Variants in FOXN3 observed in about 807,000 individuals in gnomAD.
FOXN3 encodes forkhead box protein N3.
A neutral mutation model predicts 38.4 loss-of-function variants in FOXN3; 7 were observed. The ratio of observed to expected loss-of-function variants is 0.18; its 90% CI spans 0.10 to 0.34. The LOEUF is 0.34. Ranked by LOEUF, FOXN3 falls within the 10% of genes least tolerant of loss-of-function variation. The pLI is 1.00. For missense variants in FOXN3, 456 were observed against 613.4 expected (o/e 0.74, Z 2.71); for synonymous variants, 230 against 242.2 (o/e 0.95, Z 0.47).
At chr14:89,601,862 C>T (rs1183081158) in intron 1 of FOXN3, among the ~76,000 whole-genome samples, 1 of 152,046 alleles carries the variant, frequency 6.6e-6, no homozygotes, top group East Asian at 1.9e-4. Context: ...TACTAGCACT[C>T]GTAGACCTCA....
intron 4 of FOXN3, among the ~76,000 whole-genome samples, chr14:89,280,152 C>T (rs910383938): frequency 2.0e-5 from 3 of 152,134 alleles, no homozygotes; most frequent in South Asian, 2.1e-4. Flanking sequence ...TCGAAGGCCC[C>T]GGGAACCACT....
intron 1 of FOXN3, among the ~76,000 whole-genome samples, chr14:89,514,005 A>C (rs541075512): frequency 4.6e-5 from 7 of 152,178 alleles, no homozygotes; most frequent in Non-Finnish European, 1.0e-4. Flanking sequence ...ATGAAGTAGA[A>C]AGGAAGAGAC....
chr14:89,584,373 C>T (rs1895804740), intron 1 of FOXN3, among the ~76,000 whole-genome samples: 1 of 152,130 alleles, frequency 6.6e-6, no homozygotes, highest in Middle Eastern at 3.4e-3. Flanking sequence ...TGTACGCCAG[C>T]CTGGGCGACC....
At chr14:89,360,671 C>G (rs542549466) in intron 2 of FOXN3, among the ~76,000 whole-genome samples, 1 of 151,686 alleles carries the variant, frequency 6.6e-6, no homozygotes, top group Non-Finnish European at 1.5e-5. Context: ...CAGGTTCCCC[C>G]ATGTTTCCAC....
At chr14:89,213,335 G>A (rs1055851417) in intron 4 of FOXN3, among the ~76,000 whole-genome samples, 1 of 152,152 alleles carries the variant, frequency 6.6e-6, no homozygotes, top group Non-Finnish European at 1.5e-5. Context: ...CCCAAGACAG[G>A]GGCTCATTCT....
intron 2 of FOXN3, among the ~76,000 whole-genome samples, chr14:89,404,864 C>T (rs1217199952): frequency 6.6e-6 from 1 of 152,114 alleles, no homozygotes; most frequent in Non-Finnish European, 1.5e-5. Flanking sequence ...TTACATGTTC[C>T]ACCCCACCCA....
intron 3 of FOXN3, among the ~76,000 whole-genome samples, chr14:89,345,913 C>T (rs1263658510): frequency 1.3e-5 from 2 of 152,136 alleles, no homozygotes; most frequent in Non-Finnish European, 1.5e-5. Flanking sequence ...ATTAGCAGGG[C>T]TTCATGGTAG....
chr14:89,428,563 C>T (rs1892091862), intron 1 of FOXN3, among the ~76,000 whole-genome samples: 1 of 152,236 alleles, frequency 6.6e-6, no homozygotes, highest in African/African-American at 2.4e-5. Flanking sequence ...GATTTGGCCC[C>T]CAAACAACCA....
intron 1 of FOXN3, among the ~76,000 whole-genome samples, chr14:89,492,596 C>T (rs571454682): frequency 2.0e-5 from 3 of 152,216 alleles, no homozygotes; most frequent in East Asian, 1.9e-4. Context: ...CCTGTTGTCC[C>T]GGCTACTTGG....
intron 1 of FOXN3, among the ~76,000 whole-genome samples, chr14:89,568,590 C>G (rs983277917): frequency 3.3e-5 from 5 of 152,206 alleles, no homozygotes; most frequent in Non-Finnish European, 7.3e-5. Context: ...GGGCTGGCCC[C>G]TAACATTTGC....
chr14:89,359,005 T>C (rs969404130), intron 2 of FOXN3, among the ~76,000 whole-genome samples: 1 of 152,136 alleles, frequency 6.6e-6, no homozygotes, highest in Admixed American at 6.6e-5. Flanking sequence ...ATGGTAACAG[T>C]TCAATAAATA....
At chr14:89,254,607 A>G (rs1359079394) in intron 4 of FOXN3, among the ~76,000 whole-genome samples, 1 of 152,182 alleles carries the variant, frequency 6.6e-6, no homozygotes, top group Non-Finnish European at 1.5e-5. Context: ...AAGTAGTGGC[A>G]ATGAATTCAA....
rs1010064508 is a variant in FOXN3, at chr14:89,548,680, T to A, written c.-15+70348A>T. On this transcript the variant is annotated intron_variant, in intron 1 of 6. Coordinates refer to the FOXN3 transcript ENST00000345097. The surrounding 1 kb of genome is among the most constrained non-coding windows in gnomAD (Gnocchi z 4.8). ...AATGATGACTTTTCTTTTCAATTTA[T>A]ATATATGTATGTATGTATGTATATA... 2.0e-5 allele frequency among the ~76,000 whole-genome samples: 3 copies of A among 152,202 alleles called. No homozygotes were observed. The highest frequency in any genetic ancestry group is 4.4e-5 in the Non-Finnish European group (3 of 68,036).
At chr14:89,447,685 C>T (rs549150010) in intron 1 of FOXN3, among the ~76,000 whole-genome samples, 83 of 152,222 alleles carry the variant, frequency 5.5e-4, no homozygotes, top group African/African-American at 1.9e-3. Context: ...AAAACCCAGT[C>T]TTTCCACATA....
At chr14:89,485,175 A>G (rs1051924285) in intron 1 of FOXN3, among the ~76,000 whole-genome samples, 4 of 147,712 alleles carry the variant, frequency 2.7e-5, no homozygotes, top group African/African-American at 9.9e-5. Context: ...GACCCAGGGC[A>G]GTGAAAGCCA....
chr14:89,437,333 A>T (rs1892293924), intron 1 of FOXN3, among the ~76,000 whole-genome samples: 1 of 152,190 alleles, frequency 6.6e-6, no homozygotes, highest in Non-Finnish European at 1.5e-5. Flanking sequence ...AACCTGAGGC[A>T]AAACATGACA....
At chr14:89,516,576 T>G (rs950291351) in intron 1 of FOXN3, among the ~76,000 whole-genome samples, 1 of 145,572 alleles carries the variant, frequency 6.9e-6, no homozygotes, top group Non-Finnish European at 1.5e-5. Context: ...TTTTTTTTTT[T>G]TTTGAGACAG....
chr14:89,285,728 G>A (rs73323190), intron 3 of FOXN3, among the ~76,000 whole-genome samples: 6,892 of 152,156 alleles, frequency 0.045, 518 homozygotes, highest in African/African-American at 0.16. Flanking sequence ...GAGTTTAATC[G>A]GTACAGAGGT....
Position 89,448,082 on chromosome 14 carries a change from G to A in FOXN3, c.-14-35592C>T, listed in dbSNP as rs186756871. 3.5e-3 allele frequency among the ~76,000 whole-genome samples: 528 copies of A among 151,974 alleles called. 3 individuals are homozygous for A. The highest frequency in any genetic ancestry group is 5.5e-3 in the Non-Finnish European group (376 of 67,976). On this transcript the variant is annotated intron_variant, in intron 1 of 6. Transcript: ENST00000345097. ...CCGCCTCGGCCTCCCAAAGTGCTGG[G>A]ATTACAGGCGTGAGCCACTGTGCCT...
Sources: gnomAD v4.1 joint callset for allele counts (sites outside exome capture counted in the v4.1 genomes callset) on GRCh38, gnomAD v4.1.1 for gene constraint, Gnocchi (gnomAD v3.1) non-coding constraint, MANE v1.5 for transcripts, NCBI Gene and HGNC (gene_info 2026-07-23, HGNC 2026-07-21) for gene names.